The following TSC22D3 variants were observed in gnomAD, a reference collection of about 807,000 sequenced individuals.
TSC22D3 encodes TSC22 domain family member 3, also known as TSC22 domain family protein 3.
TSC22D3 carries 4 observed loss-of-function variants against 11.1 expected under a neutral mutation model. The ratio of observed to expected loss-of-function variants is 0.36; its 90% CI spans 0.18 to 0.83. The LOEUF (loss-of-function observed/expected upper bound fraction) is 0.83, where lower values mean the gene tolerates loss of function less well. TSC22D3 is among the 40% of genes least tolerant of loss of function. The pLI is 0.48. For synonymous variants in TSC22D3, 77 were observed against 70.3 expected (o/e 1.10, Z -0.48); for missense variants, 118 against 159.4 (o/e 0.74, Z 1.40).
At chrX:107,729,706 G>A (rs896426177) in intron 1 of TSC22D3, among the ~76,000 whole-genome samples, 1 of 112,605 alleles carries the variant, frequency 8.9e-6, no homozygotes, top group Non-Finnish European at 1.9e-5. Context: ...CACCCCCGGG[G>A]CCCTGTTGTG....
intron 1 of TSC22D3, among the ~76,000 whole-genome samples, chrX:107,752,224 C>T (rs1231718804): frequency 1.8e-5 from 2 of 112,024 alleles, no homozygotes; most frequent in African/African-American, 6.5e-5. Flanking sequence ...GAGGGATGAG[C>T]TTGATTCCTC....
intron 1 of TSC22D3, among the ~76,000 whole-genome samples, chrX:107,764,722 C>T (rs925414046): frequency 4.5e-5 from 5 of 111,835 alleles, no homozygotes; most frequent in African/African-American, 1.6e-4. Flanking sequence ...GCTTCTGTTA[C>T]CCACCTCAGA....
intron 1 of TSC22D3, among the ~76,000 whole-genome samples, chrX:107,769,122 G>A (rs1393962677): frequency 8.9e-6 from 1 of 112,492 alleles, no homozygotes; most frequent in Non-Finnish European, 1.9e-5. Flanking sequence ...AAAAGTAGGT[G>A]CTGGGCAATG....
At chrX:107,723,481 G>A (rs1487706143) in intron 1 of TSC22D3, among the ~76,000 whole-genome samples, 1 of 112,597 alleles carries the variant, frequency 8.9e-6, no homozygotes, top group Non-Finnish European at 1.9e-5. Flanking sequence ...CAGGTGCTAA[G>A]GTTCCTTGCC....
At chrX:107,763,114 C>T (rs1037205896) in intron 1 of TSC22D3, among the ~76,000 whole-genome samples, 36 of 111,014 alleles carry the variant, frequency 3.2e-4, no homozygotes, top group Non-Finnish European at 5.9e-4. Context: ...CTTGGCCTCC[C>T]GAAGTGCTGG....
chrX:107,715,265 C>T (rs1195424581), intron 2 of TSC22D3, among the ~76,000 whole-genome samples: 1 of 112,283 alleles, frequency 8.9e-6, no homozygotes, highest in Non-Finnish European at 1.9e-5. Flanking sequence ...AGCTGTCCTG[C>T]AGCCGGCCAG....
chrX:107,762,988 C>T (rs1378351381), intron 1 of TSC22D3, among the ~76,000 whole-genome samples: 1 of 107,288 alleles, frequency 9.3e-6, no homozygotes, highest in Admixed American at 1.0e-4. Context: ...TCCTGAGTAT[C>T]TGGGATTACA....
chrX:107,737,743 C>G (rs1338849128), intron 1 of TSC22D3, among the ~76,000 whole-genome samples: 1 of 111,993 alleles, frequency 8.9e-6, no homozygotes, highest in African/African-American at 3.3e-5. Flanking sequence ...TTGTGTCAGA[C>G]ACTGGTAGCT....
chrX:107,716,730 G>T (rs371846650), intron 1 of TSC22D3: 2 of 1,204,785 alleles, frequency 1.7e-6, no homozygotes, highest in African/African-American at 3.6e-5. Flanking sequence ...CCTCCAAGCA[G>T]AGAAGAGAAG....
chrX:107,715,893 A>C lies in TSC22D3; in HGVS notation c.372+6T>G. The C allele has an allele frequency of 1.7e-6, 2 of 1,210,527 alleles. No individual in the cohort carries two copies. Among genetic ancestry groups the C allele is most frequent in the Non-Finnish European group, 2.2e-6 (2 of 894,813 alleles). On this transcript the variant is annotated splice_donor_region_variant and intron_variant, in intron 2 of 2. Transcript: ENST00000372383. ...GGGATGAGAATGACGCAGTGATGCCACTCACCATGGCCTGTTCGATCTTGT... is the reference window on the plus strand; with the variant it reads ...GGGATGAGAATGACGCAGTGATGCCCCTCACCATGGCCTGTTCGATCTTGT...
At chrX:107,731,679 C>T (rs1431721311) in intron 1 of TSC22D3, among the ~76,000 whole-genome samples, 1 of 111,688 alleles carries the variant, frequency 9.0e-6, no homozygotes, top group Non-Finnish European at 1.9e-5. Flanking sequence ...CTATTTGCAA[C>T]CATGCTTCTT....
chrX:107,772,432 C>T (rs1929943099), intron 1 of TSC22D3, among the ~76,000 whole-genome samples: 2 of 111,988 alleles, frequency 1.8e-5, no homozygotes, highest in East Asian at 2.8e-4. Flanking sequence ...AGGCTGTCTA[C>T]CCCAGATATT....
chrX:107,755,823 G>A (rs1405047791), intron 1 of TSC22D3, among the ~76,000 whole-genome samples: 1 of 111,871 alleles, frequency 8.9e-6, no homozygotes, highest in African/African-American at 3.3e-5. Flanking sequence ...GTTGAATAAA[G>A]CCCGTGAACA....
chrX:107,716,601 G>A, intron 1 of TSC22D3: 1 of 1,033,303 alleles, frequency 9.7e-7, no homozygotes, highest in Non-Finnish European at 1.2e-6. Flanking sequence ...GGGACCGGCG[G>A]CACACAGCTC....
chrX:107,727,384 C>T (rs371743852), intron 1 of TSC22D3, among the ~76,000 whole-genome samples: 1 of 112,435 alleles, frequency 8.9e-6, no homozygotes, highest in East Asian at 2.8e-4. Context: ...CATGGAAGAC[C>T]TCTAAACTCT....
chrX:107,716,129 C>T, intron 1 of TSC22D3, 179 bp from the exon 2 acceptor site: 1 of 622,984 alleles, frequency 1.6e-6, no homozygotes, highest in Non-Finnish European at 2.4e-6. Flanking sequence ...CTGCAGGAAG[C>T]TGCATCTCCT....
intron 1 of TSC22D3, among the ~76,000 whole-genome samples, chrX:107,724,542 G>T (rs1349015466): frequency 8.8e-6 from 1 of 113,230 alleles, no homozygotes; most frequent in Admixed American, 9.2e-5. Flanking sequence ...CCCCTATGTT[G>T]TCACCTTCCC....
chrX:107,747,301 C>G (rs1374704352), intron 1 of TSC22D3, among the ~76,000 whole-genome samples: 2 of 112,428 alleles, frequency 1.8e-5, no homozygotes, highest in Non-Finnish European at 3.8e-5. Context: ...CAGGCTTACT[C>G]TGTTCTGGCC....
intron 1 of TSC22D3, among the ~76,000 whole-genome samples, chrX:107,762,040 G>T (rs895787388): frequency 8.9e-6 from 1 of 112,032 alleles, no homozygotes; most frequent in East Asian, 2.8e-4. Context: ...ATTACTATTT[G>T]ATGCCTGTCT....
Sources: allele counts gnomAD v4.1 joint callset (sites outside exome capture counted in the v4.1 genomes callset), GRCh38; gene constraint gnomAD v4.1.1; transcripts MANE v1.5; gene names NCBI Gene and HGNC (gene_info 2026-07-23, HGNC 2026-07-21).